The following DPP6 variants were observed in gnomAD, a reference collection of about 807,000 sequenced individuals.
DPP6 encodes dipeptidyl peptidase like 6.
In DPP6, 69 loss-of-function variants were observed where a neutral mutation model predicts 122.6. The observed-to-expected ratio is 0.56, with a 90% CI of 0.46 to 0.69. DPP6 has a LOEUF of 0.69. Ranked by LOEUF, DPP6 falls within the 30% of genes least tolerant of loss-of-function variation. The pLI, the probability that DPP6 is intolerant of heterozygous loss-of-function variation, is 0.00. For synonymous variants in DPP6, 418 were observed against 433.1 expected (o/e 0.97, Z 0.43); for missense variants, 928 against 1,116.9 (o/e 0.83, Z 2.41).
At chr7:154,171,480 C>T (rs1393663593) in intron 1 of DPP6, among the ~76,000 whole-genome samples, 1 of 152,222 alleles carries the variant, frequency 6.6e-6, no homozygotes, top group East Asian at 1.9e-4. Context: ...CAGCACCTCT[C>T]AGCACTGCCT....
the DPP6 span, among the ~76,000 whole-genome samples, chr7:153,834,058 G>C: frequency 6.6e-6 from 1 of 152,112 alleles, no homozygotes; most frequent in Non-Finnish European, 1.5e-5. Flanking sequence ...AGGCCGAGAT[G>C]GGTGGATCAC....
At chr7:154,852,128 G>T (rs1448458335) in intron 16 of DPP6, among the ~76,000 whole-genome samples, 1 of 152,198 alleles carries the variant, frequency 6.6e-6, no homozygotes, top group Non-Finnish European at 1.5e-5. Flanking sequence ...CTGCAGTGAG[G>T]CCCTGAAGCC....
At position 153,974,892 on chromosome 7, in the gene DPP6, C is replaced by T. The variant is rs554604119; in HGVS notation, c.51+87158C>T. The stretch of plus-strand genomic sequence containing the variant: ...GAACCAAGCCTGCAGCAGGACTCAA[C>T]TAAGTTGTCACTCTGGAGTGTTTTT... On this transcript the variant is annotated intron_variant, in intron 1 of 25. Transcript: ENST00000404039. 3.1e-4 allele frequency among the ~76,000 whole-genome samples: 47 copies of T among 152,328 alleles called. 1 individual carries two copies. The highest frequency in any genetic ancestry group is 2.7e-3 in the East Asian group (14 of 5,166).
At chr7:154,156,629 A>C (rs1796694204) in intron 1 of DPP6, among the ~76,000 whole-genome samples, 2 of 152,234 alleles carry the variant, frequency 1.3e-5, no homozygotes, top group South Asian at 4.1e-4. Context: ...TTCACAGACA[A>C]ACACATATAA....
intron 1 of DPP6, among the ~76,000 whole-genome samples, chr7:154,335,452 G>A (rs993594985): frequency 2.6e-5 from 4 of 152,194 alleles, no homozygotes; most frequent in Admixed American, 2.0e-4. Context: ...GATTTGTCAG[G>A]CACAGTACAC....
At chr7:154,566,219 G>A (rs1226717099) in intron 4 of DPP6, among the ~76,000 whole-genome samples, 2 of 152,176 alleles carry the variant, frequency 1.3e-5, no homozygotes, top group African/African-American at 4.8e-5. Flanking sequence ...AACATATCAA[G>A]AGGTTGAGAG....
the DPP6 span, among the ~76,000 whole-genome samples, chr7:153,785,655 T>C: frequency 3.3e-5 from 5 of 152,168 alleles, no homozygotes; most frequent in Admixed American, 2.6e-4. Context: ...ATATACTTTT[T>C]TTTCTGAGAC....
At chr7:154,046,050 C>T (rs1024657032) in intron 1 of DPP6, among the ~76,000 whole-genome samples, 1 of 152,060 alleles carries the variant, frequency 6.6e-6, no homozygotes, top group Non-Finnish European at 1.5e-5. Flanking sequence ...TTTCAAGACC[C>T]ACATTTCTGC....
intron 16 of DPP6, chr7:154,838,312 CCTT>C (rs1257936225): frequency 1.3e-5 from 2 of 152,178 alleles, no homozygotes; most frequent in East Asian, 1.9e-4. Context: ...CCACAGAGCC[CCTT>C]CTTCAAAAGG....
At chr7:154,044,693 A>G (rs768854013) in intron 1 of DPP6, among the ~76,000 whole-genome samples, 1 of 152,228 alleles carries the variant, frequency 6.6e-6, no homozygotes, top group African/African-American at 2.4e-5. Context: ...GAAAAATAAA[A>G]TGGATTTTAT....
At chr7:154,284,823 C>T (rs1418991408) in intron 1 of DPP6, among the ~76,000 whole-genome samples, 1 of 152,202 alleles carries the variant, frequency 6.6e-6, no homozygotes, top group African/African-American at 2.4e-5. Flanking sequence ...CCACTGCACT[C>T]CAGCCTGGGT....
At chr7:154,194,353 A>G (rs1422141553) in intron 1 of DPP6, among the ~76,000 whole-genome samples, 1 of 152,158 alleles carries the variant, frequency 6.6e-6, no homozygotes, top group African/African-American at 2.4e-5. Flanking sequence ...TCAGATGCAT[A>G]TTTTTTTCTC....
At chr7:154,560,656 G>A (rs1830362803) in intron 4 of DPP6, among the ~76,000 whole-genome samples, 2 of 152,164 alleles carry the variant, frequency 1.3e-5, no homozygotes, top group African/African-American at 4.8e-5. Context: ...GGCTGAGACT[G>A]GCAGATTACC....
chr7:154,769,636 C>T, intron 9 of DPP6, 65 bp downstream of exon 9: 1 of 1,467,762 alleles, frequency 6.8e-7, no homozygotes, highest in Non-Finnish European at 9.1e-7. Context: ...ACCCTGCTCA[C>T]TCAGTGTGCA....
chr7:154,852,265 A>G (rs1482355287), intron 16 of DPP6, among the ~76,000 whole-genome samples: 1 of 152,146 alleles, frequency 6.6e-6, no homozygotes, highest in African/African-American at 2.4e-5. Context: ...CCCCTGCCCA[A>G]GATAGTGTGC....
At chr7:154,888,087 CTTTTT>C (rs532540671) in intron 23 of DPP6, among the ~76,000 whole-genome samples, 1 of 118,938 alleles carries the variant, frequency 8.4e-6, no homozygotes. Context: ...GGAGAGTGAG[CTTTTT>C]TTTTTTTTTT....
At chr7:154,420,617 T>G (rs1310495172) in intron 1 of DPP6, among the ~76,000 whole-genome samples, 2 of 152,122 alleles carry the variant, frequency 1.3e-5, no homozygotes, top group African/African-American at 4.8e-5. Flanking sequence ...ACAGGAGGAA[T>G]AAGTTTTGGA....
the DPP6 span, among the ~76,000 whole-genome samples, chr7:153,852,954 A>G: frequency 6.6e-6 from 1 of 152,194 alleles, no homozygotes; most frequent in African/African-American, 2.4e-5. Context: ...AGTGAGGAGT[A>G]TCAAGAGCTA....
At chr7:154,791,587 C>T (rs1046302380) in intron 10 of DPP6, among the ~76,000 whole-genome samples, 23 of 152,166 alleles carry the variant, frequency 1.5e-4, no homozygotes, top group African/African-American at 5.3e-4. Context: ...GTGAGATTTG[C>T]CGGGGGGACA....
Sources: gnomAD v4.1 joint callset for allele counts (sites outside exome capture counted in the v4.1 genomes callset) on GRCh38, gnomAD v4.1.1 for gene constraint, MANE v1.5 for transcripts, NCBI Gene and HGNC (gene_info 2026-07-23, HGNC 2026-07-21) for gene names.